SEMA6B: variants seen among roughly 807,000 people sequenced by gnomAD.
SEMA6B encodes semaphorin-6B.
Under a neutral mutation model 78.6 loss-of-function variants are expected in SEMA6B, and 47 were observed. The observed-to-expected ratio is 0.60, with a 90% CI of 0.47 to 0.76. The LOEUF (loss-of-function observed/expected upper bound fraction) is 0.76, where lower values mean the gene tolerates loss of function less well. Among genes scored for constraint, SEMA6B ranks in the 30% least tolerant of loss-of-function variants. The pLI is 0.00. For synonymous variants in SEMA6B, 632 were observed against 592.2 expected (o/e 1.07, Z -0.98); for missense variants, 1,213 against 1,269.9 (o/e 0.96, Z 0.68).
In SEMA6B at chr19:4,546,382, C is replaced by G; in HGVS notation, c.1679+10G>C. Reference sequence around the variant, plus strand: ...ACACACCCTCCACCCACCTCCCTCTCCCGCAGTACCTGGTGCCCGGGCTGA... The same window carrying G: ...ACACACCCTCCACCCACCTCCCTCTGCCGCAGTACCTGGTGCCCGGGCTGA... On this transcript the variant is annotated intron_variant, in intron 15 of 16. Transcript: ENST00000586582. 1 of 1,584,462 alleles carries G rather than the reference C, an allele frequency of 6.3e-7. No individual in the cohort carries two copies. The highest frequency in any genetic ancestry group is 1.1e-5 in the South Asian group (1 of 87,168).
In SEMA6B at chr19:4,543,064, G is replaced by T. The variant is rs1365468298; in HGVS notation, c.*537C>A. 3.1e-6 allele frequency: 2 copies of T among 647,828 alleles called. No individual in the cohort carries two copies. The highest frequency in any genetic ancestry group is 2.3e-5 in the Admixed American group (1 of 44,168). 40.1% of individuals were successfully genotyped at this position (647,828 alleles called of 1,614,324 possible). A position where few individuals can be genotyped will look rare whatever the true frequency, so the allele number is the denominator to read the frequency against. On this transcript the variant is annotated 3_prime_UTR_variant, in exon 17 of 17. Coordinates refer to ENST00000586582, the MANE Select transcript of SEMA6B (RefSeq NM_032108.4). ...GGCCCACTTGACACACACGCCCACA[G>T]CAGCCTTCGCTGGCACGCACACACA... is the stretch of plus-strand genomic sequence containing the variant.
Position 4,552,616 on chromosome 19 carries a change from T to G in SEMA6B, c.795A>C (p.Arg265=), listed in dbSNP as rs1568256445. Residue 265 remains arginine (R), a synonymous_variant, in exon 10 of 17, where the codon CGA becomes CGC. Transcript: ENST00000586582. This position sits in a 1 kb window ranked among gnomAD's most constrained non-coding sequence, Gnocchi z 7.4. The part of the protein sequence containing the change: ...LEKVVVSRVA[R]VCKNDVGGSP... ...AGCCTCCCACGTCGTTCTTGCACAC[T>G]CGGGCCACGCGGGACACCACCACCT... is the stretch of plus-strand genomic sequence containing the variant. 2 of 1,610,460 alleles carry G rather than the reference T, an allele frequency of 1.2e-6. No individual in the cohort carries two copies. Among genetic ancestry groups the G allele is most frequent in the Non-Finnish European group, 8.5e-7 (1 of 1,178,372 alleles).
rs1250279407 is a variant in SEMA6B at position 4,558,343 on chromosome 19, TG to T, written c.114del (p.Arg39GlyfsTer4). 2 of 1,299,258 alleles carry T rather than the reference TG, an allele frequency of 1.5e-6. No homozygotes were observed. The highest frequency in any genetic ancestry group is 2.0e-6 in the Non-Finnish European group (2 of 1,014,070). The allele number at this position is 1,299,258 out of a possible 1,614,324, so 80.5% of individuals were successfully genotyped here. On this transcript the variant is annotated frameshift_variant, in exon 2 of 17. Transcript: ENST00000586582. LOFTEE classifies it high-confidence loss of function. The surrounding 1 kb of genome is among the most constrained non-coding windows in gnomAD (Gnocchi z 5.1). ...AAGACACCCCCAGACTCACAGTCCC[TG>T]GGGGCCACGCTAAGCGGCGGCGGCT... ...PEEPPPLSVAPRDYLNHYPVF... is the reference protein window; with the variant it reads ...PEEPPPLSVAXRDYLNHYPVF...
chr19:4,557,284 T>G (rs539652094), intron 3 of SEMA6B, 61 bp from the exon 4 acceptor site: 88 of 1,273,938 alleles, frequency 6.9e-5, no homozygotes, highest in South Asian at 2.4e-4. Context: ...CGTTCCATCC[T>G]TCCCACTGCC....
Position 4,550,378 on chromosome 19 carries a change from G to GTT in SEMA6B, c.1122-108_1122-107dup. Reference sequence around the variant, plus strand: ...TTGCCCAACGACCCTCAGGTTTTTTGTTTGTTTTGTTTTTGAGACAGAGTC... The same window carrying GTT: ...TTGCCCAACGACCCTCAGGTTTTTTGTTTTTGTTTTGTTTTTGAGACAGAGTC... On this transcript the variant is annotated intron_variant, in intron 11 of 16. Transcript: ENST00000586582. This position sits in a 1 kb window ranked among gnomAD's most constrained non-coding sequence, Gnocchi z 6.6. The GTT allele has an allele frequency of 1.6e-6, 2 of 1,282,892 alleles. No individual in the cohort carries two copies. The allele number at this position is 1,282,892 out of a possible 1,614,324, so 79.5% of individuals were successfully genotyped here.
chr19:4,546,154 T>G, intron 16 of SEMA6B, 62 bp downstream of exon 16: 1 of 1,487,868 alleles, frequency 6.7e-7, no homozygotes, highest in South Asian at 1.2e-5. Context: ...TCCAGCCTCC[T>G]CCCTCCCCTC....
chr19:4,543,635 C>A lies in SEMA6B; in HGVS notation c.2633G>T (p.Gly878Val), dbSNP rs1036622863. 3.2e-6 allele frequency: 4 copies of A among 1,232,860 alleles called. No individual in the cohort carries two copies. The highest frequency in any genetic ancestry group is 4.1e-5 in the South Asian group (1 of 24,534). 76.4% of individuals were successfully genotyped at this position (1,232,860 alleles called of 1,614,324 possible). The change falls in exon 17 of 17, where the codon GGG becomes GTG. Residue 878 changes from glycine (G) to valine (V), a missense_variant. By Grantham distance (109) the Gly-to-Val change is moderately radical. Transcript: ENST00000586582. ...GGGGGGCGCAGTCCTGTCCGCCCCC[C>A]CATAGGGGAGGAGGTGGGCCAAGTC... The part of the protein sequence containing the change: ...GTDLAHLLPY[G>V]GADRTAPPVP
At position 4,546,259 on chromosome 19, in the gene SEMA6B, C is replaced by T. The variant is rs1217426844; in HGVS notation, c.1695G>A (p.Gln565=). The change falls in exon 16 of 17, where the codon CAG becomes CAA. Residue 565 remains glutamine (Q), a synonymous_variant. Transcript: ENST00000586582. ...LSPGTRAAFE[Q]DVSGASTSGL... is the part of the protein sequence containing the mutation. The stretch of plus-strand genomic sequence containing the variant: ...CTGAGGTGCTGGCCCCGGACACGTC[C>T]TGCTCAAAGGCGGCTCTAATGGGGA... 6.2e-7 allele frequency: 1 copy of T among 1,613,544 alleles called. No individual in the cohort carries two copies. The highest frequency in any genetic ancestry group is 8.5e-7 in the Non-Finnish European group (1 of 1,179,948).
In SEMA6B at chr19:4,552,765, G is replaced by A; in HGVS notation, c.772-126C>T. On this transcript the variant is annotated intron_variant, in intron 9 of 16. Coordinates refer to ENST00000586582, the MANE Select transcript of SEMA6B (RefSeq NM_032108.4). This position sits in a 1 kb window ranked among gnomAD's most constrained non-coding sequence, Gnocchi z 7.4. ...TGACCCTGGCTCTGGTGGGACCCCGGCCAGTCACCGTTCCTCTCTGGGCAC... is the reference window on the plus strand; with the variant it reads ...TGACCCTGGCTCTGGTGGGACCCCGACCAGTCACCGTTCCTCTCTGGGCAC... 4 of 848,188 alleles carry A rather than the reference G, an allele frequency of 4.7e-6. No individual in the cohort carries two copies. The highest frequency in any genetic ancestry group is 1.8e-5 in the South Asian group (1 of 54,334). The allele number at this position is 848,188 out of a possible 1,614,324, so 52.5% of individuals were successfully genotyped here.
intron 16 of SEMA6B, chr19:4,545,998 C>G (rs1367094136): frequency 6.6e-6 from 3 of 451,162 alleles, no homozygotes; most frequent in Non-Finnish European, 1.2e-5. Flanking sequence ...GTCTAGATCT[C>G]CTGACCTCGT....
chr19:4,556,884 T>C (rs1468609261), intron 5 of SEMA6B, 67 bp downstream of exon 5: 1 of 1,432,872 alleles, frequency 7.0e-7, no homozygotes. Flanking sequence ...CTGGTCTGAT[T>C]GGGGCGGGGC....
At chr19:4,547,338 C>G (rs964544935) in intron 14 of SEMA6B, among the ~76,000 whole-genome samples, 2 of 152,222 alleles carry the variant, frequency 1.3e-5, no homozygotes, top group African/African-American at 4.8e-5. Context: ...TCACTCCCCA[C>G]TTTACAGATA....
Position 4,556,951 on chromosome 19 carries a change from C to T in SEMA6B, c.369G>A (p.Glu123=), listed in dbSNP as rs1303576105. The part of the protein sequence containing the change: ...INVCRMKGKQ[E]GECRNFVKVL... ...CGGGACCGAGCCAGGGCCAACTCAC[C>T]TCCTGTTTGCCCTTCATCCGACACA... The change falls in exon 5 of 17, where the codon GAG becomes GAA. Residue 123 remains glutamate, a splice_region_variant and synonymous_variant. Coordinates refer to ENST00000586582, the MANE Select transcript of SEMA6B (RefSeq NM_032108.4). 6.2e-7 allele frequency: 1 copy of T among 1,612,652 alleles called. No homozygotes were observed. The highest frequency in any genetic ancestry group is 1.3e-5 in the African/African-American group (1 of 74,792).
chr19:4,542,887 C>A lies in SEMA6B; in HGVS notation c.*714G>T. 1.4e-6 allele frequency: 1 copy of A among 701,424 alleles called. No homozygotes were observed. The highest frequency in any genetic ancestry group is 2.6e-6 in the Non-Finnish European group (1 of 384,866). The allele number at this position is 701,424 out of a possible 1,614,324, so 43.5% of individuals were successfully genotyped here. The stretch of plus-strand genomic sequence containing the variant: ...CTGCCTGAAACCCCGGCATTGTCCC[C>A]GCTTCCCTCTGCAGAGTGGGGGGGG... On this transcript the variant is annotated 3_prime_UTR_variant, in exon 17 of 17. Transcript: ENST00000586582.
In SEMA6B at chr19:4,552,813, C is replaced by T. The variant is rs549313643; in HGVS notation, c.772-174G>A. ...CACCGGCTTCCCTGGCAGAAATTCC[C>T]GGTGGGAATGTCAATGATGATAATA... On this transcript the variant is annotated intron_variant, in intron 9 of 16. Transcript: ENST00000586582. This position sits in a 1 kb window ranked among gnomAD's most constrained non-coding sequence, Gnocchi z 7.4. Among the ~76,000 whole-genome samples the T allele has an allele frequency of 2.4e-4, 37 of 152,332 alleles. No homozygotes were observed. Among genetic ancestry groups the T allele is most frequent in the Admixed American group, 1.1e-3 (17 of 15,298 alleles).
In SEMA6B at chr19:4,548,102, C is replaced by G; in HGVS notation, c.1526G>C (p.Gly509Ala). 6.3e-7 allele frequency: 1 copy of G among 1,589,506 alleles called. No homozygotes were observed. The highest frequency in any genetic ancestry group is 8.5e-7 in the Non-Finnish European group (1 of 1,173,268). Residue 509 changes from glycine to alanine, a missense_variant, in exon 14 of 17, where the codon GGC (glycine) becomes GCC (alanine). By Grantham distance (60) the Gly-to-Ala change is moderately conservative. Transcript: ENST00000586582. ...GCAGCGGGGGAAGGCAGCCAGCAGG[C>G]CCCCCGAAGCTGCGTCCAGCTCCAA... ...LSLELDAASG[G>A]LLAAFPRCVV...
rs1977355047 is a variant in SEMA6B, at chr19:4,552,414, G to A, written c.989+8C>T. 6.4e-7 allele frequency: 1 copy of A among 1,564,814 alleles called. No individual in the cohort carries two copies. The highest frequency in any genetic ancestry group is 1.9e-5 in the Admixed American group (1 of 52,672). ...GCTCCCAGTTTGCTCCCATTGGTGG[G>A]CGCTGACCTGTTGCTGGGCGTGGAA... On this transcript the variant is annotated splice_region_variant and intron_variant, in intron 10 of 16. Coordinates refer to ENST00000586582, the MANE Select transcript of SEMA6B (RefSeq NM_032108.4). The surrounding 1 kb of genome is among the most constrained non-coding windows in gnomAD (Gnocchi z 7.4).
rs769521225 is a variant in SEMA6B at position 4,548,108 on chromosome 19, G to A, written c.1520C>T (p.Ser507Leu). 1.6e-5 allele frequency: 25 copies of A among 1,591,206 alleles called. No individual in the cohort carries two copies. The highest frequency in any genetic ancestry group is 5.1e-5 in the Admixed American group (3 of 58,578). ...GGGGAAGGCAGCCAGCAGGCCCCCC[G>A]AAGCTGCGTCCAGCTCCAAGCTCAG... ...RLLSLELDAA[S>L]GGLLAAFPRC... Residue 507 changes from serine (S) to leucine (L), a missense_variant, in exon 14 of 17, where the codon TCG becomes TTG. By Grantham distance (145) the Ser-to-Leu change is moderately radical. Coordinates refer to ENST00000586582, the MANE Select transcript of SEMA6B (RefSeq NM_032108.4).
Position 4,543,753 on chromosome 19 carries a change from G to T in SEMA6B, c.2515C>A (p.Pro839Thr), listed in dbSNP as rs975076167. 1.6e-6 allele frequency: 2 copies of T among 1,226,098 alleles called. No individual in the cohort carries two copies. Among genetic ancestry groups the T allele is most frequent in the Non-Finnish European group, 1.0e-6 (1 of 984,442 alleles). 76.0% of individuals were successfully genotyped at this position (1,226,098 alleles called of 1,614,324 possible). A position where few individuals can be genotyped will look rare whatever the true frequency, so the allele number is the denominator to read the frequency against. ...TGGGTGCGGCGCAGGGTGGCGGCCG[G>T]AGGGGCGTGGGGGCCCAGTGGCCTC... is the stretch of plus-strand genomic sequence containing the variant. Reference protein sequence around the residue: ...LRRPLGPHAPPAATLRRTHTF... With the variant: ...LRRPLGPHAPTAATLRRTHTF... Residue 839 changes from proline to threonine, a missense_variant, in exon 17 of 17, where the codon CCG becomes ACG. Coordinates refer to ENST00000586582, the MANE Select transcript of SEMA6B (RefSeq NM_032108.4).
Sources: allele counts gnomAD v4.1 joint callset (sites outside exome capture counted in the v4.1 genomes callset), GRCh38; gene constraint gnomAD v4.1.1; non-coding constraint Gnocchi (gnomAD v3.1); transcripts MANE v1.5; gene names NCBI Gene and HGNC (gene_info 2026-07-23, HGNC 2026-07-21).